The following PATE4 variants were observed in gnomAD, a reference collection of about 807,000 sequenced individuals.
The protein encoded by PATE4 is prostate and testis expressed protein 4.
In PATE4, 13 loss-of-function variants were observed where a neutral mutation model predicts 8.5. The observed-to-expected ratio is 1.53, with a 90% confidence interval of 1.00 to 2.43. The LOEUF (loss-of-function observed/expected upper bound fraction) is 2.43. Ranked by LOEUF, PATE4 falls within the 30% of genes most tolerant of loss-of-function variation. PATE4 has a pLI of 0.00. For synonymous variants in PATE4, 47 were observed against 39.3 expected (o/e 1.20, Z -0.73); for missense variants, 127 against 115.5 (o/e 1.10, Z -0.46).
At chr11:125,836,322 G>A (rs1315840588) in intron 1 of PATE4, among the ~76,000 whole-genome samples, 2 of 151,996 alleles carry the variant, frequency 1.3e-5, no homozygotes, top group Non-Finnish European at 1.5e-5. Context: ...TCACTTCCTT[G>A]CTTAAAATTT....
rs1363997880 is a variant in PATE4, at chr11:125,837,104, G to A, written c.59-764G>A. On this transcript the variant is annotated intron_variant, in intron 1 of 2. Transcript: ENST00000457514. Reference sequence around the variant, plus strand: ...GTCCTCCTGGGCTCCATATAAATTCGGATTCTATAACCTTGGAACGTCTGA... The same window carrying A: ...GTCCTCCTGGGCTCCATATAAATTCAGATTCTATAACCTTGGAACGTCTGA... Among the ~76,000 whole-genome samples the A allele has an allele frequency of 2.0e-5, 3 of 152,060 alleles. No individual in the cohort carries two copies. The East Asian group carries it at 5.8e-4, about 29-fold the overall frequency.
Position 125,838,725 on chromosome 11 carries a change from C to G in PATE4, c.*298C>G, listed in dbSNP as rs1943938727. ...CTAAATAATGGACCCCCAAATATTT[C>G]TACATCCTAATCTCTGGAACCTGTG... On this transcript the variant is annotated 3_prime_UTR_variant, in exon 3 of 3. Coordinates refer to ENST00000457514, the MANE Select transcript of PATE4 (RefSeq NM_001144874.1). The G allele has an allele frequency of 3.5e-6, 1 of 284,028 alleles. No individual in the cohort carries two copies. Among genetic ancestry groups the G allele is most frequent in the Non-Finnish European group, 6.5e-6 (1 of 154,146 alleles). The allele number at this position is 284,028 out of a possible 1,614,324, so 17.6% of individuals were successfully genotyped here.
intron 2 of PATE4, 102 bp downstream of exon 2, chr11:125,838,086 G>A (rs963939119): frequency 2.0e-5 from 21 of 1,049,494 alleles, no homozygotes; most frequent in Non-Finnish European, 2.7e-5. Context: ...CTGCTAGGAG[G>A]TAAGGCAAGG....
At chr11:125,833,825 C>T (rs1234901571) in intron 1 of PATE4, among the ~76,000 whole-genome samples, 1 of 152,154 alleles carries the variant, frequency 6.6e-6, no homozygotes, top group Non-Finnish European at 1.5e-5. Flanking sequence ...TCCACTCAGA[C>T]CCTCCTCTAT....
intron 1 of PATE4, among the ~76,000 whole-genome samples, chr11:125,836,318 C>T (rs561653334): frequency 1.3e-5 from 2 of 152,094 alleles, no homozygotes; most frequent in Non-Finnish European, 1.5e-5. Context: ...CAGATCACTT[C>T]CTTGCTTAAA....
chr11:125,838,203 A>G (rs1943934027), intron 2 of PATE4, 103 bp from the exon 3 acceptor site: 6 of 1,295,810 alleles, frequency 4.6e-6, no homozygotes, highest in Non-Finnish European at 6.2e-6. Context: ...GGAGCCGGGA[A>G]GGAGACCCAG....
intron 1 of PATE4, among the ~76,000 whole-genome samples, chr11:125,837,140 G>T (rs1166397296): frequency 6.6e-6 from 1 of 152,144 alleles, no homozygotes; most frequent in African/African-American, 2.4e-5. Flanking sequence ...GATGAAGATT[G>T]AAATAATCTA....
At chr11:125,836,590 T>C (rs896806373) in intron 1 of PATE4, among the ~76,000 whole-genome samples, 5 of 152,174 alleles carry the variant, frequency 3.3e-5, no homozygotes, top group African/African-American at 1.2e-4. Context: ...TTATTTATCA[T>C]CAGGCCCCAC....
Position 125,833,334 on chromosome 11 carries a change from CCGT to C in PATE4, c.-24_-22del. ...CCTTTCCAATACCTCACTCAGCACA[CCGT>C]CTGTCACCCAAACAAGCATCCAATG... On this transcript the variant is annotated 5_prime_UTR_variant, in exon 1 of 3. Coordinates refer to ENST00000457514, the MANE Select transcript of PATE4 (RefSeq NM_001144874.1). 2 of 1,550,346 alleles carry C rather than the reference CCGT, an allele frequency of 1.3e-6. No individual in the cohort carries two copies. Among genetic ancestry groups the C allele is most frequent in the Non-Finnish European group, 1.7e-6 (2 of 1,145,896 alleles).
Position 125,837,742 on chromosome 11 carries a change from C to T in PATE4, c.59-126C>T, listed in dbSNP as rs577383586. 24 of 605,002 alleles carry T rather than the reference C, an allele frequency of 4.0e-5. No homozygotes were observed. The South Asian group carries it at 6.0e-4, about 15-fold the overall frequency. The allele number at this position is 605,002 out of a possible 1,614,324, so 37.5% of individuals were successfully genotyped here. A position where few individuals can be genotyped will look rare whatever the true frequency, so the allele number is the denominator to read the frequency against. On this transcript the variant is annotated intron_variant, in intron 1 of 2. Transcript: ENST00000457514. ...ACAAAGCTAAATTAATCAGGAATTC[C>T]ACAAATACCAGCTAATGGAGTGAGT...
intron 2 of PATE4, 73 bp from the exon 3 acceptor site, chr11:125,838,233 T>G: frequency 7.0e-7 from 1 of 1,423,228 alleles, no homozygotes; most frequent in Non-Finnish European, 9.3e-7. Flanking sequence ...CTATTCCTCT[T>G]GGTGGTGAGT....
At chr11:125,835,335 C>T (rs1414278215) in intron 1 of PATE4, 1 of 152,106 alleles carries the variant, frequency 6.6e-6, no homozygotes, top group African/African-American at 2.4e-5. Flanking sequence ...GGGTACAGCC[C>T]TGAAATGGTG....
rs1250790036 is a variant in PATE4 at position 125,838,862 on chromosome 11, T to C, written c.*435T>C. On this transcript the variant is annotated 3_prime_UTR_variant, in exon 3 of 3. Transcript: ENST00000457514. ...CCCTAAGTGGAATCAAAATGCAAAA[T>C]GCAATAAGATGCAAGTAAAGGGAGA... 6.5e-6 allele frequency: 1 copy of C among 154,964 alleles called. No individual in the cohort carries two copies. Among genetic ancestry groups the C allele is most frequent in the Non-Finnish European group, 1.4e-5 (1 of 70,210 alleles). The allele number at this position is 154,964 out of a possible 1,614,324, so 9.6% of individuals were successfully genotyped here.
intron 1 of PATE4, among the ~76,000 whole-genome samples, chr11:125,833,761 A>C (rs1280234439): frequency 6.6e-6 from 1 of 151,854 alleles, no homozygotes; most frequent in Non-Finnish European, 1.5e-5. Flanking sequence ...ATTTTGTAGG[A>C]TTCTTTATTC....
chr11:125,837,555 A>G (rs1052043868), intron 1 of PATE4, among the ~76,000 whole-genome samples: 4 of 152,188 alleles, frequency 2.6e-5, no homozygotes, highest in African/African-American at 7.2e-5. Context: ...GCCTGTTGCT[A>G]TACTCTTAAT....
Position 125,836,278 on chromosome 11 carries a change from G to A in PATE4, c.59-1590G>A, listed in dbSNP as rs149682545. ...TCTGTTTGCCCCTTTTAAGTCCCAC[G>A]TTGACCTGCTAGATAAATGTAAATA... On this transcript the variant is annotated intron_variant, in intron 1 of 2. Coordinates refer to ENST00000457514, the MANE Select transcript of PATE4 (RefSeq NM_001144874.1). Among the ~76,000 whole-genome samples, 10 of 152,184 alleles carry A rather than the reference G, an allele frequency of 6.6e-5. No homozygotes were observed. In the East Asian group the frequency reaches 7.7e-4, roughly 12 times the overall value.
At position 125,838,376 on chromosome 11, in the gene PATE4, C is replaced by T. The variant is rs778944711; in HGVS notation, c.246C>T (p.Gly82=). Residue 82 remains glycine, a synonymous_variant, in exon 3 of 3, where the codon GGC becomes GGT. Coordinates refer to ENST00000457514, the MANE Select transcript of PATE4 (RefSeq NM_001144874.1). ...KCREEESSKR[G]LLRVTLCCDR... ...GGGAAGAGGAGTCCTCCAAAAGAGG[C>T]CTGTTGAGAGTGACACTGTGCTGTG... The T allele has an allele frequency of 6.4e-6, 10 of 1,551,230 alleles. No homozygotes were observed. The highest frequency in any genetic ancestry group is 5.5e-5 in the African/African-American group (4 of 72,992).
rs1943931614 is a variant in PATE4, at chr11:125,837,882, T to C, written c.73T>C (p.Cys25Arg). Reference protein sequence around the residue: ...LYLKEVMGLKCNTCIYTEGWK... With the variant: ...LYLKEVMGLKRNTCIYTEGWK... Reference sequence around the variant, plus strand: ...CCACCCTGCAGTTATGGGTCTGAAGTGTAATACCTGCATATACACAGAAGG... The same window carrying C: ...CCACCCTGCAGTTATGGGTCTGAAGCGTAATACCTGCATATACACAGAAGG... The change falls in exon 2 of 3, where the codon TGT becomes CGT. Residue 25 changes from cysteine (C) to arginine (R), a missense_variant. Coordinates refer to ENST00000457514, the MANE Select transcript of PATE4 (RefSeq NM_001144874.1). 1 of 1,551,036 alleles carries C rather than the reference T, an allele frequency of 6.4e-7. No homozygotes were observed. The highest frequency in any genetic ancestry group is 8.7e-7 in the Non-Finnish European group (1 of 1,146,586).
At chr11:125,833,512 A>C (rs1473758978) in intron 1 of PATE4, 95 bp downstream of exon 1, 9 of 1,150,498 alleles carry the variant, frequency 7.8e-6, no homozygotes, top group Non-Finnish European at 1.1e-5. Flanking sequence ...TCCAGCTGAG[A>C]CCCAAAGACT....
Sources: allele counts gnomAD v4.1 joint callset (sites outside exome capture counted in the v4.1 genomes callset), GRCh38; gene constraint gnomAD v4.1.1; transcripts MANE v1.5; gene names NCBI Gene and HGNC (gene_info 2026-07-23, HGNC 2026-07-21).